The following IFT81 variants were observed in gnomAD, a reference collection of about 807,000 sequenced individuals.
The protein encoded by IFT81 is intraflagellar transport protein 81 homolog.
A neutral mutation model predicts 102.6 loss-of-function variants in IFT81; 72 were observed. The ratio of observed to expected loss-of-function variants is 0.70; its 90% CI spans 0.58 to 0.85. The LOEUF (loss-of-function observed/expected upper bound fraction) is 0.85. Ranked by LOEUF, IFT81 falls within the 40% of genes least tolerant of loss-of-function variation. IFT81 has a pLI of 0.00. For synonymous variants in IFT81, 237 were observed against 242.7 expected (o/e 0.98, Z 0.22); for missense variants, 723 against 787.3 (o/e 0.92, Z 0.98).
At chr12:110,184,091 C>G (rs1173595722) in intron 12 of IFT81, among the ~76,000 whole-genome samples, 4 of 152,214 alleles carry the variant, frequency 2.6e-5, no homozygotes, top group African/African-American at 4.8e-5. Context: ...TGGCTCACGC[C>G]TGTAATCCCA....
chr12:110,198,317 T>G (rs1426394081), intron 14 of IFT81, among the ~76,000 whole-genome samples: 11 of 152,186 alleles, frequency 7.2e-5, no homozygotes. Context: ...AAAAAAAAAT[T>G]TTCATGCTTT....
At chr12:110,135,235 G>A (rs1373797685) in intron 6 of IFT81, 92 bp from the exon 7 acceptor site, 1 of 830,556 alleles carries the variant, frequency 1.2e-6, no homozygotes, top group Non-Finnish European at 2.0e-6. Flanking sequence ...TTTACCAAAA[G>A]GAAATGATAA....
intron 11 of IFT81, among the ~76,000 whole-genome samples, chr12:110,174,273 G>A (rs1382592417): frequency 4.8e-5 from 4 of 84,012 alleles, no homozygotes; most frequent in South Asian, 5.2e-4. Context: ...GCAAGACTCC[G>A]TCTCAAAAAA....
At position 110,218,234 on chromosome 12, in the gene IFT81, T is replaced by G; in HGVS notation, c.*8T>G. 1 of 1,512,252 alleles carries G rather than the reference T, an allele frequency of 6.6e-7. No homozygotes were observed. Among genetic ancestry groups the G allele is most frequent in the Non-Finnish European group, 8.8e-7 (1 of 1,136,810 alleles). 93.7% of individuals were successfully genotyped at this position (1,512,252 alleles called of 1,614,324 possible). A position where few individuals can be genotyped will look rare whatever the true frequency, so the allele number is the denominator to read the frequency against. On this transcript the variant is annotated 3_prime_UTR_variant, in exon 19 of 19. Transcript: ENST00000242591. ...GACCGGCTAATACTGTGAATTCTTG[T>G]GTCATCGTTTGGGGTTTTACTTGAT... is the stretch of plus-strand genomic sequence containing the variant.
chr12:110,189,336 T>TTTTATTTA (rs552548275), intron 12 of IFT81, among the ~76,000 whole-genome samples: 3 of 151,646 alleles, frequency 2.0e-5, no homozygotes, highest in Admixed American at 6.6e-5. Flanking sequence ...CTTTTTAAAA[T>TTTTATTTA]TTTATTTATT....
chr12:110,164,435 A>C (rs768013566), intron 11 of IFT81, among the ~76,000 whole-genome samples: 1 of 152,118 alleles, frequency 6.6e-6, no homozygotes, highest in Non-Finnish European at 1.5e-5. Flanking sequence ...CATTGCTTGG[A>C]CTTTACCAAT....
At chr12:110,209,109 T>G in intron 17 of IFT81, 62 bp from the exon 18 acceptor site, 1 of 888,198 alleles carries the variant, frequency 1.1e-6, no homozygotes, top group Non-Finnish European at 1.8e-6. Context: ...AATTTATAAT[T>G]CACTTGTATG....
chr12:110,153,706 G>A (rs1008591487), intron 10 of IFT81, among the ~76,000 whole-genome samples: 34 of 149,470 alleles, frequency 2.3e-4, no homozygotes, highest in African/African-American at 7.9e-4. Flanking sequence ...CGCCTCTCAG[G>A]TTTAAGTGAT....
chr12:110,144,645 G>A (rs1393616402), intron 9 of IFT81, among the ~76,000 whole-genome samples: 2 of 151,816 alleles, frequency 1.3e-5, no homozygotes, highest in Admixed American at 1.3e-4. Flanking sequence ...CAAGTAGCTG[G>A]GACTACAGAT....
intron 11 of IFT81, among the ~76,000 whole-genome samples, chr12:110,165,164 ATGTC>A (rs1170928472): frequency 6.6e-6 from 1 of 152,180 alleles, no homozygotes; most frequent in African/African-American, 2.4e-5. Context: ...TTTTTGAACA[ATGTC>A]TGGTCGGAAA....
intron 11 of IFT81, chr12:110,169,052 CCTTCCTT>C: frequency 6.8e-6 from 1 of 147,424 alleles, no homozygotes. Flanking sequence ...TTCCTTCCTT[CCTTCCTT>C]CCTTCCTTCC....
At position 110,128,011 on chromosome 12, in the gene IFT81, C is replaced by T. The variant is rs372345475; in HGVS notation, c.145-35C>T. 16 of 1,407,486 alleles carry T rather than the reference C, an allele frequency of 1.1e-5. No individual in the cohort carries two copies. In the African/African-American group the frequency reaches 1.4e-4, roughly 12 times the overall value. The allele number at this position is 1,407,486 out of a possible 1,614,324, so 87.2% of individuals were successfully genotyped here. On this transcript the variant is annotated intron_variant, in intron 2 of 18. Coordinates refer to ENST00000242591, the MANE Select transcript of IFT81 (RefSeq NM_014055.4). Reference sequence around the variant, plus strand: ...TAAATATTGTCCTTTGTTACATATACAACAATAACATGTTTTTTTCAATTT... The same window carrying T: ...TAAATATTGTCCTTTGTTACATATATAACAATAACATGTTTTTTTCAATTT...
At chr12:110,128,019 A>G in intron 2 of IFT81, 27 bp from the exon 3 acceptor site, 1 of 1,460,366 alleles carries the variant, frequency 6.8e-7, no homozygotes, top group Non-Finnish European at 9.6e-7. Flanking sequence ...TACAACAATA[A>G]CATGTTTTTT....
At chr12:110,149,737 A>ATGGCCTAGGTCAGTCAG (rs1895415790) in intron 10 of IFT81, among the ~76,000 whole-genome samples, 1 of 152,102 alleles carries the variant, frequency 6.6e-6, no homozygotes, top group Non-Finnish European at 1.5e-5. Context: ...CTGCCAGTCA[A>ATGGCCTAGGTCAGTCAG]TGGCCTAGGT....
chr12:110,146,815 T>A, intron 9 of IFT81, 138 bp from the exon 10 acceptor site: 43 of 1,012,358 alleles, frequency 4.2e-5, no homozygotes, highest in Admixed American at 1.1e-4. Flanking sequence ...AAAAAAAAAA[T>A]TAGTCTAGGT....
chr12:110,163,433 G>A (rs1896254307), intron 11 of IFT81, among the ~76,000 whole-genome samples: 1 of 151,946 alleles, frequency 6.6e-6, no homozygotes, highest in Non-Finnish European at 1.5e-5. Flanking sequence ...TAGAGACAGA[G>A]TTTTACCATG....
chr12:110,206,395 T>C (rs1360752966), intron 17 of IFT81, among the ~76,000 whole-genome samples: 1 of 152,214 alleles, frequency 6.6e-6, no homozygotes, highest in Non-Finnish European at 1.5e-5. Flanking sequence ...CCTTCTTTGC[T>C]CCTCATCACA....
At chr12:110,177,241 G>A (rs1193602490) in intron 11 of IFT81, among the ~76,000 whole-genome samples, 1 of 152,116 alleles carries the variant, frequency 6.6e-6, no homozygotes, top group Non-Finnish European at 1.5e-5. Flanking sequence ...AACACAGTGT[G>A]TTCCTCAGTT....
In IFT81 at chr12:110,179,753, T is replaced by C. The variant is rs1198994103; in HGVS notation, c.1189-669T>C. On this transcript the variant is annotated intron_variant, in intron 11 of 18. Coordinates refer to ENST00000242591, the MANE Select transcript of IFT81 (RefSeq NM_014055.4). ...ATATATATATATATATATATATATA[T>C]ATATATATATATATATATATACACA... 1.7e-4 allele frequency among the ~76,000 whole-genome samples: 9 copies of C among 52,432 alleles called. 1 individual carries two copies. The highest frequency in any genetic ancestry group is 9.3e-4 in the African/African-American group (8 of 8,574). The allele number at this position is 52,432 out of a possible 152,430, so 34.4% of individuals were successfully genotyped here.
Sources: gnomAD v4.1 joint callset for allele counts (sites outside exome capture counted in the v4.1 genomes callset) on GRCh38, gnomAD v4.1.1 for gene constraint, MANE v1.5 for transcripts, NCBI Gene and HGNC (gene_info 2026-07-23, HGNC 2026-07-21) for gene names.